EFHC1: variants seen among roughly 807,000 people sequenced by gnomAD.
EFHC1 encodes EF-hand domain containing 1.
EFHC1 carries 53 observed loss-of-function variants against 69.9 expected under a neutral mutation model. That is an observed-to-expected ratio of 0.76 (90% CI 0.61 to 0.95). The LOEUF (loss-of-function observed/expected upper bound fraction) is 0.95. Among genes scored for constraint, EFHC1 ranks in the 40% least tolerant of loss-of-function variants. The pLI is 0.00. For missense variants in EFHC1, 739 were observed against 798.7 expected, an observed-to-expected ratio of 0.93 and a Z score of 0.90; for synonymous variants, 256 against 278.4, an observed-to-expected ratio of 0.92 and a Z score of 0.80.
intron 7 of EFHC1, among the ~76,000 whole-genome samples, chr6:52,474,933 A>G (rs1241024469): frequency 2.0e-5 from 3 of 151,556 alleles, no homozygotes; most frequent in African/African-American, 7.3e-5. Context: ...CTCAACCTGG[A>G]TGGTGGTTAT....
intron 6 of EFHC1, 119 bp from the exon 7 acceptor site, chr6:52,469,211 ATGT>A (rs1765379514): frequency 7.1e-6 from 9 of 1,270,126 alleles, no homozygotes; most frequent in Non-Finnish European, 8.9e-6. Context: ...ATATTTGTTT[ATGT>A]AGAAAATATA....
Position 52,494,931 on chromosome 6 carries a change from A to G in EFHC1, c.*2590A>G, listed in dbSNP as rs533064842. 2.2e-6 allele frequency: 1 copy of G among 451,574 alleles called. No individual in the cohort carries two copies. The highest frequency in any genetic ancestry group is 2.4e-5 in the Admixed American group (1 of 42,496). The allele number at this position is 451,574 out of a possible 1,614,324, so 28.0% of individuals were successfully genotyped here. On this transcript the variant is annotated 3_prime_UTR_variant, in exon 11 of 11. Coordinates refer to ENST00000371068, the MANE Select transcript of EFHC1 (RefSeq NM_018100.4). The stretch of plus-strand genomic sequence containing the variant: ...GGTGTAGATATACTTCATTTAAAAA[A>G]TCTAATCCACCATTGATTGGCACCT...
intron 9 of EFHC1, 199 bp downstream of exon 9, chr6:52,479,986 A>T (rs1765640052): frequency 3.6e-6 from 3 of 827,462 alleles, no homozygotes; most frequent in Non-Finnish European, 5.6e-6. Flanking sequence ...TTTAGCAAAT[A>T]CAGTTGACCC....
intron 2 of EFHC1, among the ~76,000 whole-genome samples, chr6:52,434,859 G>A (rs1764495300): frequency 6.6e-6 from 1 of 151,136 alleles, no homozygotes; most frequent in Non-Finnish European, 1.5e-5. Context: ...AATTCTTTTC[G>A]GTTAGCATAT....
At chr6:52,486,702 T>C (rs1765794161) in intron 9 of EFHC1, 1 of 152,212 alleles carries the variant, frequency 6.6e-6, no homozygotes, top group Non-Finnish European at 1.5e-5. Flanking sequence ...ACTATCACTC[T>C]TCTTCTCTTT....
intron 8 of EFHC1, 92 bp from the exon 9 acceptor site, chr6:52,479,548 T>A: frequency 6.4e-7 from 1 of 1,561,766 alleles, no homozygotes; most frequent in Non-Finnish European, 8.8e-7. Flanking sequence ...AATGCATACC[T>A]GTGAATTTAT....
intron 6 of EFHC1, among the ~76,000 whole-genome samples, chr6:52,466,455 C>G (rs1382396903): frequency 6.6e-6 from 1 of 152,134 alleles, no homozygotes; most frequent in Non-Finnish European, 1.5e-5. Context: ...GGCTTCTTCC[C>G]CAAGAAGTCT....
In EFHC1 at chr6:52,493,466, C is replaced by T. The variant is rs1765965084; in HGVS notation, c.*1125C>T. ...TATGTGTATATATATTATGTATATA[C>T]ATATATGTGCACACATCTCTACTAA... On this transcript the variant is annotated 3_prime_UTR_variant, in exon 11 of 11. Transcript: ENST00000371068. 1 of 390,384 alleles carries T rather than the reference C, an allele frequency of 2.6e-6. No individual in the cohort carries two copies. Among genetic ancestry groups the T allele is most frequent in the African/African-American group, 2.2e-5 (1 of 44,470 alleles). The allele number at this position is 390,384 out of a possible 1,614,324, so 24.2% of individuals were successfully genotyped here.
chr6:52,452,673 C>T lies in EFHC1; in HGVS notation c.574-15C>T. On this transcript the variant is annotated splice_polypyrimidine_tract_variant and intron_variant, in intron 3 of 10. Transcript: ENST00000371068. ...CTCCAAGAAAGATGATCATTGTTAA[C>T]TTTCAATTATTTAGGTATTTTTAGA... 2 of 1,613,736 alleles carry T rather than the reference C, an allele frequency of 1.2e-6. No individual in the cohort carries two copies. The highest frequency in any genetic ancestry group is 1.7e-6 in the Non-Finnish European group (2 of 1,179,706).
At chr6:52,480,004 A>T (rs1436131620) in intron 9 of EFHC1, 1 of 755,102 alleles carries the variant, frequency 1.3e-6, no homozygotes, top group African/African-American at 1.8e-5. Flanking sequence ...CCCTTGAACA[A>T]TGTGGGAGTT....
Position 52,464,909 on chromosome 6 carries a change from T to A in EFHC1, c.931T>A (p.Cys311Ser). The A allele has an allele frequency of 6.2e-7, 1 of 1,614,026 alleles. No homozygotes were observed. The highest frequency in any genetic ancestry group is 8.5e-7 in the Non-Finnish European group (1 of 1,179,908). ...TCTTATATTAGAGAACTTCCCTCAGTGTGTGCTAGAAATCTCTGACCAAGA... is the reference window on the plus strand; with the variant it reads ...TCTTATATTAGAGAACTTCCCTCAGAGTGTGCTAGAAATCTCTGACCAAGA... ...LVENAKNFPQ[C>S]VLEISDQEVL... is the part of the protein sequence containing the mutation. Residue 311 changes from cysteine (C) to serine (S), a missense_variant, in exon 6 of 11, where the codon TGT (cysteine) becomes AGT (serine). Coordinates refer to ENST00000371068, the MANE Select transcript of EFHC1 (RefSeq NM_018100.4).
intron 9 of EFHC1, chr6:52,481,998 A>G (rs1228341637): frequency 6.6e-6 from 1 of 152,134 alleles, no homozygotes; most frequent in Non-Finnish European, 1.5e-5. Flanking sequence ...AACATGCAAA[A>G]CAATTTTAAT....
intron 7 of EFHC1, among the ~76,000 whole-genome samples, chr6:52,474,365 G>A (rs1158038459): frequency 6.6e-6 from 1 of 152,168 alleles, no homozygotes; most frequent in East Asian, 1.9e-4. Context: ...CTAAAGAAGT[G>A]CAGATTACAA....
chr6:52,430,458 G>A (rs1764391248), intron 2 of EFHC1: 1 of 152,144 alleles, frequency 6.6e-6, no homozygotes, highest in South Asian at 2.1e-4. Context: ...TGCATCTATT[G>A]AGATGATCGT....
chr6:52,458,062 G>A (rs946979247), intron 5 of EFHC1, among the ~76,000 whole-genome samples: 3 of 152,116 alleles, frequency 2.0e-5, no homozygotes, highest in Non-Finnish European at 4.4e-5. Flanking sequence ...ACACATATGA[G>A]GTCATTTGAT....
Position 52,479,610 on chromosome 6 carries a change from A to G in EFHC1, c.1493-30A>G. ...CCTGATTGCGTGAGAGAACATCACC[A>G]AGCTAAGTGTGTTGCTACCTTCTCT... On this transcript the variant is annotated intron_variant, in intron 8 of 10. Transcript: ENST00000371068. The G allele has an allele frequency of 1.9e-6, 3 of 1,614,180 alleles. No individual in the cohort carries two copies. In the South Asian group the frequency reaches 3.3e-5, roughly 18 times the overall value.
At chr6:52,451,159 G>A (rs963293419) in intron 3 of EFHC1, among the ~76,000 whole-genome samples, 3 of 152,158 alleles carry the variant, frequency 2.0e-5, no homozygotes, top group Non-Finnish European at 4.4e-5. Flanking sequence ...GTTGATATGT[G>A]TAGATTTGAT....
chr6:52,485,857 T>C (rs942980656), intron 9 of EFHC1: 4 of 152,172 alleles, frequency 2.6e-5, no homozygotes, highest in African/African-American at 9.7e-5. Context: ...TTAAATAAAT[T>C]ACCAGCCTCA....
intron 9 of EFHC1, chr6:52,486,736 A>C (rs1215682060): frequency 1.3e-5 from 2 of 152,146 alleles, no homozygotes; most frequent in African/African-American, 2.4e-5. Flanking sequence ...AGAGATAAGT[A>C]ACTCCTCCTA....
Sources: allele counts gnomAD v4.1 joint callset (sites outside exome capture counted in the v4.1 genomes callset), GRCh38; gene constraint gnomAD v4.1.1; transcripts MANE v1.5; gene names NCBI Gene and HGNC (gene_info 2026-07-23, HGNC 2026-07-21).